Variants in SS18L1 observed in about 807,000 individuals in gnomAD.
SS18L1 encodes the protein SS18L1 subunit of BAF chromatin remodeling complex.
SS18L1 carries 32 observed loss-of-function variants against 70.3 expected under a neutral mutation model. The ratio of observed to expected loss-of-function variants is 0.46; its 90% CI spans 0.34 to 0.61. The LOEUF is 0.61. Among genes scored for constraint, SS18L1 ranks in the 20% least tolerant of loss-of-function variants. The probability of loss-of-function intolerance (pLI) is 0.01; values close to 1 mark genes in which losing one functional copy is unlikely to be tolerated. For missense variants in SS18L1, 430 were observed against 542.1 expected, an observed-to-expected ratio of 0.79 and a Z score of 2.05; for synonymous variants, 237 against 229.7, an observed-to-expected ratio of 1.03 and a Z score of -0.29.
intron 8 of SS18L1, among the ~76,000 whole-genome samples, chr20:62,170,906 G>GT (rs1483867125): frequency 6.9e-6 from 1 of 144,060 alleles, no homozygotes; most frequent in Non-Finnish European, 1.5e-5. Context: ...TTTTTTTTTT[G>GT]TTTATGTTTT....
chr20:62,165,606 C>A, intron 8 of SS18L1, 92 bp downstream of exon 8: 1 of 1,179,398 alleles, frequency 8.5e-7, no homozygotes, highest in Non-Finnish European at 1.2e-6. Flanking sequence ...CGGTGCCTGC[C>A]TTCAGTGAGT....
At chr20:62,151,695 C>T (rs986126527) in intron 1 of SS18L1, among the ~76,000 whole-genome samples, 3 of 152,186 alleles carry the variant, frequency 2.0e-5, no homozygotes, top group African/African-American at 7.2e-5. Flanking sequence ...AATGGATGCA[C>T]CCAGCCGCGT....
intron 8 of SS18L1, among the ~76,000 whole-genome samples, chr20:62,170,097 C>T: frequency 6.6e-6 from 1 of 152,242 alleles, no homozygotes; most frequent in East Asian, 1.9e-4. Context: ...GTGTCCACAT[C>T]TTGCTCCTTC....
At chr20:62,145,323 G>GC (rs1207641094) in intron 1 of SS18L1, among the ~76,000 whole-genome samples, 2 of 151,862 alleles carry the variant, frequency 1.3e-5, no homozygotes, top group Admixed American at 6.6e-5. Flanking sequence ...GGCCTAGGGG[G>GC]GCTAAATGCC....
chr20:62,153,270 G>A (rs186381204), intron 1 of SS18L1, among the ~76,000 whole-genome samples: 9 of 152,304 alleles, frequency 5.9e-5, no homozygotes, highest in Non-Finnish European at 1.0e-4. Context: ...TTCCTCCCAC[G>A]ACACGTGGGG....
chr20:62,157,731 C>G (rs1354806215), intron 1 of SS18L1, among the ~76,000 whole-genome samples: 2 of 152,216 alleles, frequency 1.3e-5, no homozygotes, highest in Non-Finnish European at 2.9e-5. Flanking sequence ...GACCGGCCTT[C>G]CCTGTGTGGC....
At position 62,143,815 on chromosome 20, in the gene SS18L1, GCCA is replaced by G; in HGVS notation, c.-2_1del. 1 of 1,344,554 alleles carries G rather than the reference GCCA, an allele frequency of 7.4e-7. No individual in the cohort carries two copies. The highest frequency in any genetic ancestry group is 9.8e-7 in the Non-Finnish European group (1 of 1,017,750). The allele number at this position is 1,344,554 out of a possible 1,614,324, so 83.3% of individuals were successfully genotyped here. A position where few individuals can be genotyped will look rare whatever the true frequency, so the allele number is the denominator to read the frequency against. Reference sequence around the variant, plus strand: ...ATGACCACGGGCTGAGCCCCGCGCCGCCACCATGTCCGTGGCCTTCGCGTCTGC... The same window carrying G: ...ATGACCACGGGCTGAGCCCCGCGCCGCCATGTCCGTGGCCTTCGCGTCTGC... On this transcript the variant is annotated 5_prime_UTR_variant, in exon 1 of 11. Transcript: ENST00000331758.
chr20:62,165,016 G>A (rs555886177), intron 7 of SS18L1, among the ~76,000 whole-genome samples: 109 of 152,358 alleles, frequency 7.2e-4, no homozygotes, highest in African/African-American at 2.6e-3. Flanking sequence ...AGGTGGGCAG[G>A]TGGCAGCAGG....
At chr20:62,164,404 G>A (rs1006289313) in intron 7 of SS18L1, among the ~76,000 whole-genome samples, 158 bp downstream of exon 7, 42 of 152,354 alleles carry the variant, frequency 2.8e-4, no homozygotes, top group African/African-American at 9.9e-4. Flanking sequence ...CGCCCTGCAG[G>A]AGCAAGGTAG....
At chr20:62,170,802 C>T (rs970901157) in intron 8 of SS18L1, among the ~76,000 whole-genome samples, 1 of 152,174 alleles carries the variant, frequency 6.6e-6, no homozygotes, top group Non-Finnish European at 1.5e-5. Flanking sequence ...TGTGCTGGGG[C>T]TGGGTGTTCT....
chr20:62,152,478 G>C (rs368198641), intron 1 of SS18L1, among the ~76,000 whole-genome samples: 22 of 152,166 alleles, frequency 1.4e-4, no homozygotes, highest in African/African-American at 5.3e-4. Context: ...GGCGTCTCTG[G>C]CGCGGGTTTA....
intron 1 of SS18L1, among the ~76,000 whole-genome samples, chr20:62,146,605 A>ATCTTTTTTTTTTTTTTTTTT (rs2057031746): frequency 1.3e-5 from 1 of 79,714 alleles, no homozygotes; most frequent in African/African-American, 5.2e-5. Flanking sequence ...TGCTTTGATC[A>ATCTTTTTTTTTTTTTTTTTT]TTTTTTTTTT....
chr20:62,179,371 G>A lies in SS18L1; in HGVS notation c.*163G>A, dbSNP rs996986511. 3.5e-5 allele frequency: 26 copies of A among 735,796 alleles called. No homozygotes were observed. The highest frequency in any genetic ancestry group is 9.0e-5 in the Admixed American group (4 of 44,684). 45.6% of individuals were successfully genotyped at this position (735,796 alleles called of 1,614,324 possible). A position where few individuals can be genotyped will look rare whatever the true frequency, so the allele number is the denominator to read the frequency against. On this transcript the variant is annotated 3_prime_UTR_variant, in exon 11 of 11. Transcript: ENST00000331758. ...TTTCATGCTGGGTATGACGCCGAGC[G>A]CACACCACTGGCGTGAGACAGCGCT...
At chr20:62,156,058 G>A (rs900447687) in intron 1 of SS18L1, among the ~76,000 whole-genome samples, 6 of 150,444 alleles carry the variant, frequency 4.0e-5, no homozygotes, top group African/African-American at 1.2e-4. Context: ...GTGTTTCGTC[G>A]TGCTTCGTCG....
Position 62,179,472 on chromosome 20 carries a change from C to A in SS18L1, c.*264C>A, listed in dbSNP as rs2057676139. ...GGAGAGGTATCCTTTTTTTGTCCCC[C>A]GCCCCCTTCTCAATGTTTCTAGCTA... On this transcript the variant is annotated 3_prime_UTR_variant, in exon 11 of 11. Coordinates refer to ENST00000331758, the MANE Select transcript of SS18L1 (RefSeq NM_198935.3). 1 of 525,818 alleles carries A rather than the reference C, an allele frequency of 1.9e-6. No homozygotes were observed. Among genetic ancestry groups the A allele is most frequent in the Non-Finnish European group, 3.4e-6 (1 of 292,450 alleles). The allele number at this position is 525,818 out of a possible 1,614,324, so 32.6% of individuals were successfully genotyped here.
chr20:62,163,617 A>G lies in SS18L1; in HGVS notation c.716A>G (p.Gln239Arg). The G allele has an allele frequency of 6.3e-7, 1 of 1,589,886 alleles. No individual in the cohort carries two copies. Among genetic ancestry groups the G allele is most frequent in the Non-Finnish European group, 8.5e-7 (1 of 1,171,502 alleles). ...QRPMAPYRPS[Q>R]QGSSQQYLGQ... ...CCCATGGCGCCCTACCGGCCCTCCC[A>G]GCAAGGTAACGCCCGGCCGGGCCAG... The change falls in exon 6 of 11, where the codon CAG (glutamine) becomes CGG (arginine). Residue 239 changes from glutamine to arginine, a missense_variant. Coordinates refer to ENST00000331758, the MANE Select transcript of SS18L1 (RefSeq NM_198935.3).
chr20:62,150,715 G>A (rs79132304), intron 1 of SS18L1, among the ~76,000 whole-genome samples: 8,470 of 130,228 alleles, frequency 0.065, 309 homozygotes, highest in African/African-American at 0.099. Flanking sequence ...GTGCAGTAAC[G>A]TGATCACAGC....
At position 62,161,704 on chromosome 20, in the gene SS18L1, T is replaced by C. The variant is rs766237482; in HGVS notation, c.376+124T>C. 1.6e-5 allele frequency: 22 copies of C among 1,385,870 alleles called. No individual in the cohort carries two copies. Among genetic ancestry groups the C allele is most frequent in the Non-Finnish European group, 2.0e-5 (21 of 1,044,474 alleles). The allele number at this position is 1,385,870 out of a possible 1,614,324, so 85.8% of individuals were successfully genotyped here. On this transcript the variant is annotated intron_variant, in intron 4 of 10. Coordinates refer to ENST00000331758, the MANE Select transcript of SS18L1 (RefSeq NM_198935.3). This position sits in a 1 kb window ranked among gnomAD's most constrained non-coding sequence, Gnocchi z 4.4. Reference sequence around the variant, plus strand: ...GGCTGGGCATGGGACCCACTCCTCCTGGGGTAGCCACAGGTCGGCTGCCAT... The same window carrying C: ...GGCTGGGCATGGGACCCACTCCTCCCGGGGTAGCCACAGGTCGGCTGCCAT...
intron 1 of SS18L1, among the ~76,000 whole-genome samples, chr20:62,153,463 G>C (rs2057169952): frequency 6.6e-6 from 1 of 151,934 alleles, no homozygotes; most frequent in Non-Finnish European, 1.5e-5. Context: ...CTGGTGACCA[G>C]GGAGAACAGG....
Sources: gnomAD v4.1 joint callset for allele counts (sites outside exome capture counted in the v4.1 genomes callset) on GRCh38, gnomAD v4.1.1 for gene constraint, Gnocchi (gnomAD v3.1) non-coding constraint, MANE v1.5 for transcripts, NCBI Gene and HGNC (gene_info 2026-07-23, HGNC 2026-07-21) for gene names.